The following ATP8A2 variants were observed in gnomAD, a reference collection of about 807,000 sequenced individuals.
ATP8A2 encodes the protein ATPase phospholipid transporting 8A2.
Under a neutral mutation model 165.6 loss-of-function variants are expected in ATP8A2, and 100 were observed. The observed-to-expected ratio is 0.60, with a 90% CI of 0.51 to 0.71. The LOEUF (loss-of-function observed/expected upper bound fraction) is 0.71, where lower values mean the gene tolerates loss of function less well. Ranked by LOEUF, ATP8A2 falls within the 30% of genes least tolerant of loss-of-function variation. The pLI, the probability that ATP8A2 is intolerant of heterozygous loss-of-function variation, is 0.00. For missense variants in ATP8A2, 1,227 were observed against 1,479.5 expected, an observed-to-expected ratio of 0.83 and a Z score of 2.80; for synonymous variants, 543 against 548.8, an observed-to-expected ratio of 0.99 and a Z score of 0.15.
At chr13:25,445,750 G>C (rs58976596) in intron 1 of ATP8A2, among the ~76,000 whole-genome samples, 7,403 of 152,136 alleles carry the variant, frequency 0.049, 233 homozygotes, top group East Asian at 0.095. Flanking sequence ...GGAGACTTTG[G>C]GCAGAATAGG....
chr13:25,707,504 G>A (rs1208754329), intron 25 of ATP8A2, among the ~76,000 whole-genome samples: 1 of 152,158 alleles, frequency 6.6e-6, no homozygotes, highest in Non-Finnish European at 1.5e-5. Context: ...AAACAATTTG[G>A]TGGGGAGCAA....
rs143805020 is a variant in ATP8A2, at chr13:25,814,361, C to A, written c.2680-13757C>A. ...GTCTGTAGACTCAAAATCCCAGTGA[C>A]ATTTTTTGCAAAAACAGGAAAACCT... On this transcript the variant is annotated intron_variant, in intron 27 of 36. Transcript: ENST00000381655. 3.9e-3 allele frequency among the ~76,000 whole-genome samples: 594 copies of A among 152,126 alleles called. 3 individuals carry two copies. Among genetic ancestry groups the A allele is most frequent in the African/African-American group, 0.013 (551 of 41,524 alleles).
At chr13:25,825,740 T>C (rs1012417898) in intron 27 of ATP8A2, among the ~76,000 whole-genome samples, 1 of 149,362 alleles carries the variant, frequency 6.7e-6, no homozygotes, top group Non-Finnish European at 1.5e-5. Flanking sequence ...GAGAGTGGGG[T>C]TGAAATTGTG....
At chr13:25,884,733 G>T (rs1170465321) in intron 33 of ATP8A2, among the ~76,000 whole-genome samples, 2 of 152,174 alleles carry the variant, frequency 1.3e-5, no homozygotes, top group African/African-American at 4.8e-5. Context: ...AGTAAAATTC[G>T]TGAGAATGGG....
intron 24 of ATP8A2, among the ~76,000 whole-genome samples, chr13:25,649,254 G>T (rs2041754543): frequency 6.6e-6 from 1 of 152,124 alleles, no homozygotes; most frequent in South Asian, 2.1e-4. Context: ...TAAATGTCTG[G>T]GGTGCTGCCT....
chr13:25,589,993 A>G (rs1250157618), intron 24 of ATP8A2, among the ~76,000 whole-genome samples: 1 of 152,248 alleles, frequency 6.6e-6, no homozygotes, highest in Non-Finnish European at 1.5e-5. Context: ...AGTATGAAAT[A>G]TTAGTGGAAC....
chr13:25,871,520 C>T (rs1014392080), intron 33 of ATP8A2, among the ~76,000 whole-genome samples: 1 of 152,036 alleles, frequency 6.6e-6, no homozygotes, highest in Non-Finnish European at 1.5e-5. Context: ...AACATGACCA[C>T]GGTAGGTTAG....
At position 25,577,155 on chromosome 13, in the gene ATP8A2, CGTT is replaced by C. The variant is rs748660034; in HGVS notation, c.1782+20_1782+22del. ...AAAGGGGCTGTAAGTACCGGAGAAG[CGTT>C]GTGCGTAGCGGAGTTCTTGGCAGCT... On this transcript the variant is annotated intron_variant, in intron 20 of 36. Coordinates refer to ENST00000381655, the MANE Select transcript of ATP8A2 (RefSeq NM_016529.6). 4 of 1,610,062 alleles carry C rather than the reference CGTT, an allele frequency of 2.5e-6. No homozygotes were observed. Among genetic ancestry groups the C allele is most frequent in the African/African-American group, 2.7e-5 (2 of 74,796 alleles).
intron 2 of ATP8A2, among the ~76,000 whole-genome samples, chr13:25,520,836 G>T (rs558222889): frequency 6.6e-6 from 1 of 151,982 alleles, no homozygotes; most frequent in Non-Finnish European, 1.5e-5. Flanking sequence ...GGATGGTCTC[G>T]ATTTCCTGAC....
At chr13:25,745,343 G>A (rs1263100564) in intron 25 of ATP8A2, among the ~76,000 whole-genome samples, 1 of 152,220 alleles carries the variant, frequency 6.6e-6, no homozygotes, top group African/African-American at 2.4e-5. Flanking sequence ...GACATGACAA[G>A]CCCCATGCGT....
intron 2 of ATP8A2, among the ~76,000 whole-genome samples, chr13:25,525,514 CTTTTG>C (rs1370490584): frequency 6.6e-6 from 1 of 152,100 alleles, no homozygotes; most frequent in African/African-American, 2.4e-5. Flanking sequence ...ATTTTCTCAG[CTTTTG>C]TTTTTCTGGG....
intron 24 of ATP8A2, among the ~76,000 whole-genome samples, chr13:25,626,872 A>G (rs1011792638): frequency 1.3e-5 from 2 of 152,160 alleles, no homozygotes; most frequent in Non-Finnish European, 2.9e-5. Context: ...GCAGCAGGCA[A>G]AGAGAGAATG....
intron 1 of ATP8A2, among the ~76,000 whole-genome samples, chr13:25,384,943 A>G (rs1159468639): frequency 6.6e-6 from 1 of 152,186 alleles, no homozygotes; most frequent in Admixed American, 6.5e-5. Flanking sequence ...GATGGGTGGG[A>G]CATGCCCCGG....
intron 33 of ATP8A2, among the ~76,000 whole-genome samples, chr13:25,883,679 C>G (rs935833932): frequency 7.2e-5 from 11 of 152,192 alleles, no homozygotes; most frequent in Non-Finnish European, 1.2e-4. Context: ...GAGTGGAGAA[C>G]GCTTGTCCCC....
intron 24 of ATP8A2, among the ~76,000 whole-genome samples, chr13:25,595,702 A>G (rs570861462): frequency 1.3e-5 from 2 of 152,312 alleles, no homozygotes; most frequent in African/African-American, 4.8e-5. Flanking sequence ...GAACTGTTGC[A>G]TAGGTGGTAG....
chr13:25,781,593 A>G (rs749952261), intron 27 of ATP8A2, among the ~76,000 whole-genome samples: 2 of 152,012 alleles, frequency 1.3e-5, no homozygotes, highest in Non-Finnish European at 2.9e-5. Context: ...GGTTCAAGCG[A>G]TTCTCCTACC....
chr13:25,724,607 T>C (rs1383066229), intron 25 of ATP8A2, among the ~76,000 whole-genome samples: 1 of 152,246 alleles, frequency 6.6e-6, no homozygotes, highest in Non-Finnish European at 1.5e-5. Flanking sequence ...TCTCATATTA[T>C]TTCTCCATTT....
rs1184658424 is a variant in ATP8A2 at position 25,372,809 on chromosome 13, G to A, written c.76+521G>A. Reference sequence around the variant, plus strand: ...CCCCGGGTCCTCGCGCGCTCACAGCGGCGACGTACTGGCTCATAACCATCC... The same window carrying A: ...CCCCGGGTCCTCGCGCGCTCACAGCAGCGACGTACTGGCTCATAACCATCC... On this transcript the variant is annotated intron_variant, in intron 1 of 36. Transcript: ENST00000381655. The surrounding 1 kb of genome is among the most constrained non-coding windows in gnomAD (Gnocchi z 4.8). Among the ~76,000 whole-genome samples, 1 of 152,156 alleles carries A rather than the reference G, an allele frequency of 6.6e-6. No individual in the cohort carries two copies. The highest frequency in any genetic ancestry group is 1.9e-4 in the East Asian group (1 of 5,188).
At chr13:25,989,935 C>G (rs1024072306) in intron 35 of ATP8A2, among the ~76,000 whole-genome samples, 2 of 152,188 alleles carry the variant, frequency 1.3e-5, no homozygotes, top group Non-Finnish European at 2.9e-5. Context: ...TAGGATGTAG[C>G]CTTGGTAATC....
Sources: gnomAD v4.1 joint callset for allele counts (sites outside exome capture counted in the v4.1 genomes callset) on GRCh38, gnomAD v4.1.1 for gene constraint, Gnocchi (gnomAD v3.1) non-coding constraint, MANE v1.5 for transcripts, NCBI Gene and HGNC (gene_info 2026-07-23, HGNC 2026-07-21) for gene names.